The following BZW2 variants were observed in gnomAD, a reference collection of about 807,000 sequenced individuals.
The protein encoded by BZW2 is eIF5-mimic protein 1.
Under a neutral mutation model 53.2 loss-of-function variants are expected in BZW2, and 23 were observed. The ratio of observed to expected loss-of-function variants is 0.43; its 90% CI spans 0.31 to 0.61. BZW2 has a LOEUF of 0.61. Among genes scored for constraint, BZW2 ranks in the 20% least tolerant of loss-of-function variants. The probability of loss-of-function intolerance (pLI) is 0.09; values close to 1 mark genes in which losing one functional copy is unlikely to be tolerated. For synonymous variants in BZW2, 227 were observed against 186.4 expected (o/e 1.22, Z -1.77); for missense variants, 409 against 503.1 (o/e 0.81, Z 1.79).
intron 1 of BZW2, among the ~76,000 whole-genome samples, chr7:16,652,278 A>G (rs1262439488): frequency 6.6e-6 from 1 of 152,190 alleles, no homozygotes; most frequent in East Asian, 1.9e-4. Flanking sequence ...CTTAATTATT[A>G]AAACGTTAAT....
At chr7:16,704,032 T>A (rs185454462) in intron 10 of BZW2, among the ~76,000 whole-genome samples, 1 of 152,276 alleles carries the variant, frequency 6.6e-6, no homozygotes, top group African/African-American at 2.4e-5. Flanking sequence ...GCCCAGAAGT[T>A]CCTCTTTATA....
chr7:16,665,621 A>G (rs769523016), intron 2 of BZW2, 120 bp downstream of exon 2: 3 of 1,492,770 alleles, frequency 2.0e-6, no homozygotes, highest in Non-Finnish European at 2.7e-6. Context: ...TTGAGCTCTG[A>G]GTGTAGAATC....
intron 10 of BZW2, among the ~76,000 whole-genome samples, chr7:16,702,411 C>G (rs1783694792): frequency 6.6e-6 from 1 of 152,088 alleles, no homozygotes; most frequent in Non-Finnish European, 1.5e-5. Flanking sequence ...TCTAAGAACT[C>G]CACATTGCGC....
intron 7 of BZW2, among the ~76,000 whole-genome samples, chr7:16,691,071 C>A (rs1469386066): frequency 6.6e-6 from 1 of 152,208 alleles, no homozygotes; most frequent in Non-Finnish European, 1.5e-5. Context: ...CAATTTAAAT[C>A]ACTTAAGAAT....
At chr7:16,646,923 C>T (rs1346639043) in intron 1 of BZW2, among the ~76,000 whole-genome samples, 1 of 152,094 alleles carries the variant, frequency 6.6e-6, no homozygotes, top group Non-Finnish European at 1.5e-5. Context: ...GTTCTCGGTT[C>T]TCTTTGTAAC....
At chr7:16,672,713 G>T (rs555759851) in intron 2 of BZW2, among the ~76,000 whole-genome samples, 2 of 152,170 alleles carry the variant, frequency 1.3e-5, no homozygotes, top group East Asian at 1.9e-4. Flanking sequence ...CTGACATGTG[G>T]TTTGTCATCT....
intron 1 of BZW2, among the ~76,000 whole-genome samples, chr7:16,660,031 G>T (rs1782213500): frequency 6.8e-6 from 1 of 146,376 alleles, no homozygotes; most frequent in African/African-American, 2.5e-5. Flanking sequence ...CCCTTCCTGT[G>T]TCCACGTGTT....
At chr7:16,689,968 C>G in intron 7 of BZW2, 62 bp downstream of exon 7, 1 of 1,279,404 alleles carries the variant, frequency 7.8e-7, no homozygotes, top group Non-Finnish European at 1.1e-6. Flanking sequence ...TAAGCAATGC[C>G]TGCAATGTAG....
At chr7:16,705,482 G>C (rs537917154) in intron 11 of BZW2, among the ~76,000 whole-genome samples, 60 of 152,048 alleles carry the variant, frequency 3.9e-4, no homozygotes, top group African/African-American at 1.3e-3. Flanking sequence ...TCGGGAGATC[G>C]AGACCATCTT....
At chr7:16,704,513 T>TA (rs764479881) in intron 10 of BZW2, 34 bp from the exon 11 acceptor site, 1 of 1,495,676 alleles carries the variant, frequency 6.7e-7, no homozygotes, top group Admixed American at 1.8e-5. Flanking sequence ...GACATTTGTA[T>TA]AGTAACTTTG....
intron 9 of BZW2, among the ~76,000 whole-genome samples, chr7:16,697,265 T>G (rs1841216): frequency 0.3 from 45,954 of 152,076 alleles, 8,064 homozygotes; most frequent in Non-Finnish European, 0.39. Context: ...AATTTCTTCA[T>G]TTTTTGGTAG....
At chr7:16,675,579 G>A (rs73065805) in intron 3 of BZW2, among the ~76,000 whole-genome samples, 2 of 152,200 alleles carry the variant, frequency 1.3e-5, no homozygotes, top group South Asian at 4.1e-4. Context: ...TTGGTACATG[G>A]CCCCATTGAC....
chr7:16,647,934 C>T (rs928944882), intron 1 of BZW2, among the ~76,000 whole-genome samples: 1 of 152,114 alleles, frequency 6.6e-6, no homozygotes, highest in Non-Finnish European at 1.5e-5. Context: ...GTTGTCAGTT[C>T]CTCGAGGATA....
At chr7:16,670,899 G>A (rs1407313667) in intron 2 of BZW2, among the ~76,000 whole-genome samples, 4 of 152,064 alleles carry the variant, frequency 2.6e-5, no homozygotes, top group Non-Finnish European at 4.4e-5. Context: ...GTGTCTTTAT[G>A]GTATCTCACG....
intron 10 of BZW2, among the ~76,000 whole-genome samples, chr7:16,698,617 T>A (rs1783576153): frequency 6.6e-6 from 1 of 152,220 alleles, no homozygotes; most frequent in Admixed American, 6.5e-5. Flanking sequence ...TACTTTGTAT[T>A]TTAGTTACTT....
intron 1 of BZW2, among the ~76,000 whole-genome samples, chr7:16,648,785 C>T (rs1053708416): frequency 6.6e-6 from 1 of 152,160 alleles, no homozygotes; most frequent in Non-Finnish European, 1.5e-5. Context: ...TGCTTTTCTC[C>T]TCCTCTGAAT....
intron 10 of BZW2, among the ~76,000 whole-genome samples, chr7:16,699,209 C>T (rs1390281144): frequency 1.3e-5 from 2 of 152,160 alleles, no homozygotes; most frequent in Non-Finnish European, 1.5e-5. Context: ...AATATGATGG[C>T]CACCCATTGC....
chr7:16,676,797 T>A (rs542041005), intron 3 of BZW2, among the ~76,000 whole-genome samples: 63 of 152,344 alleles, frequency 4.1e-4, no homozygotes, highest in African/African-American at 1.4e-3. Context: ...TAGTCACTTA[T>A]ATGGACCCTT....
intron 1 of BZW2, among the ~76,000 whole-genome samples, chr7:16,653,330 A>G (rs1306171289): frequency 6.6e-6 from 1 of 152,092 alleles, no homozygotes; most frequent in Non-Finnish European, 1.5e-5. Context: ...ATGATTAAAA[A>G]TCCTCTGAAG....
Sources: gnomAD v4.1 joint callset for allele counts (sites outside exome capture counted in the v4.1 genomes callset) on GRCh38, gnomAD v4.1.1 for gene constraint, MANE v1.5 for transcripts, NCBI Gene and HGNC (gene_info 2026-07-23, HGNC 2026-07-21) for gene names.